Variants in TAGLN3 observed in about 807,000 individuals in gnomAD.
The protein encoded by TAGLN3 is transgelin-3.
A neutral mutation model predicts 25.4 loss-of-function variants in TAGLN3; 12 were observed. That is an observed-to-expected ratio of 0.47 (90% CI 0.30 to 0.77). The LOEUF is 0.77. Ranked by LOEUF, TAGLN3 falls within the 30% of genes least tolerant of loss-of-function variation. TAGLN3 has a pLI of 0.06. For missense variants in TAGLN3, 218 were observed against 255.8 expected (o/e 0.85, Z 1.01); for synonymous variants, 96 against 94.8 (o/e 1.01, Z -0.08).
chr3:112,009,967 A>G (rs1228068816), intron 3 of TAGLN3, among the ~76,000 whole-genome samples: 3 of 151,820 alleles, frequency 2.0e-5, no homozygotes, highest in Non-Finnish European at 4.4e-5. Flanking sequence ...AAGAAGTGTT[A>G]TATATAACAC....
At chr3:112,000,069 G>A (rs972865552) in intron 2 of TAGLN3, among the ~76,000 whole-genome samples, 3 of 152,126 alleles carry the variant, frequency 2.0e-5, no homozygotes, top group Non-Finnish European at 4.4e-5. Context: ...GAGTGGATGC[G>A]TTCTCATGAA....
chr3:112,001,870 G>C (rs145386695), intron 3 of TAGLN3, among the ~76,000 whole-genome samples: 38 of 152,334 alleles, frequency 2.5e-4, no homozygotes, highest in African/African-American at 7.7e-4. Context: ...GTATTTTAAA[G>C]GGTATTCAGA....
Position 112,013,416 on chromosome 3 carries a change from C to G in TAGLN3, c.465C>G (p.Ala155=). 2 of 1,611,884 alleles carry G rather than the reference C, an allele frequency of 1.2e-6. No homozygotes were observed. The highest frequency in any genetic ancestry group is 1.7e-6 in the Non-Finnish European group (2 of 1,178,268). Residue 155 remains alanine, a synonymous_variant, in exon 5 of 5, where the codon GCC becomes GCG. Transcript: ENST00000478951. ...RGEPSWFHRK[A]QQNRRGFSEE... ...TCTCACTTTCCTTGTCCAGGAAAGC[C>G]CAGCAGAATCGGAGAGGCTTTTCCG...
chr3:112,002,488 A>G (rs917950478), intron 3 of TAGLN3, among the ~76,000 whole-genome samples: 7 of 152,120 alleles, frequency 4.6e-5, no homozygotes, highest in Non-Finnish European at 5.9e-5. Context: ...AGTTTCCTTC[A>G]CCTACACCGT....
rs753449976 is a variant in TAGLN3 at position 112,013,541 on chromosome 3, A to G, written c.590A>G (p.Gln197Arg). 2 of 1,614,176 alleles carry G rather than the reference A, an allele frequency of 1.2e-6. No homozygotes were observed. Among genetic ancestry groups the G allele is most frequent in the Non-Finnish European group, 1.7e-6 (2 of 1,180,000 alleles). Residue 197 changes from glutamine to arginine, a missense_variant, in exon 5 of 5, where the codon CAG becomes CGG. Transcript: ENST00000478951. Reference protein sequence around the residue: ...AGMTGYGMPRQIM With the variant: ...AGMTGYGMPRRIM ...ATGACAGGGTACGGGATGCCCAGGC[A>G]GATCATGTAGGACGCGGCATCCTGC...
At chr3:111,999,163 G>C (rs1310849672) in intron 1 of TAGLN3, 49 bp downstream of exon 1, 18 of 387,548 alleles carry the variant, frequency 4.6e-5, no homozygotes, top group Middle Eastern at 7.0e-4. Context: ...GGGATAGGGA[G>C]GGGGATTCCA....
intron 3 of TAGLN3, 61 bp downstream of exon 3, chr3:112,001,007 G>A: frequency 2.0e-6 from 3 of 1,477,204 alleles, no homozygotes; most frequent in Non-Finnish European, 2.8e-6. Flanking sequence ...CCATCTCCTT[G>A]TAAAAACTGC....
intron 3 of TAGLN3, among the ~76,000 whole-genome samples, chr3:112,007,847 T>C (rs1254617251): frequency 1.3e-5 from 2 of 152,230 alleles, no homozygotes; most frequent in Admixed American, 6.5e-5. Context: ...ACTTAGTACT[T>C]ACCACATGGC....
intron 4 of TAGLN3, among the ~76,000 whole-genome samples, chr3:112,012,967 AAAGGGTAAGAAG>A (rs1487665271): frequency 1.3e-5 from 2 of 152,166 alleles, no homozygotes; most frequent in African/African-American, 4.8e-5. Flanking sequence ...GCTGTGAGAG[AAAGGGTAAGAAG>A]AAGCAGGCTT....
In TAGLN3 at chr3:112,013,786, G is replaced by A. The variant is rs908170356; in HGVS notation, c.*235G>A. On this transcript the variant is annotated 3_prime_UTR_variant, in exon 5 of 5. Coordinates refer to ENST00000478951, the MANE Select transcript of TAGLN3 (RefSeq NM_001008272.2). ...GTTTTCCTGAGCTCCTCGGGCCCCA[G>A]AGTCTCTGTTTGATTATTTATTTAT... 6.8e-6 allele frequency: 4 copies of A among 590,748 alleles called. No homozygotes were observed. Among genetic ancestry groups the A allele is most frequent in the Non-Finnish European group, 1.2e-5 (4 of 331,992 alleles). The allele number at this position is 590,748 out of a possible 1,614,324, so 36.6% of individuals were successfully genotyped here.
chr3:112,001,481 G>A (rs1239588981), intron 3 of TAGLN3, among the ~76,000 whole-genome samples: 1 of 152,144 alleles, frequency 6.6e-6, no homozygotes, highest in Non-Finnish European at 1.5e-5. Context: ...GAATTGACTT[G>A]CTGAGGAAAT....
chr3:112,005,347 G>A (rs1297008518), intron 3 of TAGLN3, among the ~76,000 whole-genome samples: 4 of 152,168 alleles, frequency 2.6e-5, no homozygotes, highest in Non-Finnish European at 5.9e-5. Context: ...ACCACTTGAT[G>A]TGCATTAAAC....
intron 3 of TAGLN3, among the ~76,000 whole-genome samples, chr3:112,005,458 GATGTC>G (rs1304098244): frequency 7.9e-5 from 12 of 152,156 alleles, no homozygotes; most frequent in Admixed American, 3.9e-4. Flanking sequence ...AACACATGGT[GATGTC>G]ATGCCTGTTC....
At chr3:112,003,427 C>T (rs1372085447) in intron 3 of TAGLN3, among the ~76,000 whole-genome samples, 1 of 152,062 alleles carries the variant, frequency 6.6e-6, no homozygotes, top group African/African-American at 2.4e-5. Context: ...AGGCTGGGGT[C>T]CTTTCTGCAA....
At position 112,013,669 on chromosome 3, in the gene TAGLN3, GT is replaced by G; in HGVS notation, c.*123del. 1 of 1,475,260 alleles carries G rather than the reference GT, an allele frequency of 6.8e-7. No homozygotes were observed. Among genetic ancestry groups the G allele is most frequent in the Non-Finnish European group, 9.3e-7 (1 of 1,077,252 alleles). The allele number at this position is 1,475,260 out of a possible 1,614,324, so 91.4% of individuals were successfully genotyped here. Reference sequence around the variant, plus strand: ...TCTTTCTCAAAGCCTTCTGTCCCTGGTTTTTGCAAGTGCTGCATTTCCGCCG... The same window carrying G: ...TCTTTCTCAAAGCCTTCTGTCCCTGGTTTTGCAAGTGCTGCATTTCCGCCG... On this transcript the variant is annotated 3_prime_UTR_variant, in exon 5 of 5. Coordinates refer to ENST00000478951, the MANE Select transcript of TAGLN3 (RefSeq NM_001008272.2).
chr3:112,006,228 G>A (rs573599401), intron 3 of TAGLN3, among the ~76,000 whole-genome samples: 2 of 152,260 alleles, frequency 1.3e-5, no homozygotes, highest in South Asian at 2.1e-4. Flanking sequence ...CAACAGCAGA[G>A]TTTCTGAGGT....
chr3:112,005,924 AT>A lies in TAGLN3; in HGVS notation c.355+4988del, dbSNP rs1314256060. On this transcript the variant is annotated intron_variant, in intron 3 of 4. Coordinates refer to ENST00000478951, the MANE Select transcript of TAGLN3 (RefSeq NM_001008272.2). ...TCACTGAGTTAGCCAGGATGGTCCA[AT>A]TTTTTTTTTATTTTTAGTAGAGAAG... Among the ~76,000 whole-genome samples the A allele has an allele frequency of 6.2e-3, 919 of 147,182 alleles. 10 individuals carry two copies. Among genetic ancestry groups the A allele is most frequent in the African/African-American group, 0.022 (873 of 40,206 alleles).
At chr3:111,999,348 C>T in intron 1 of TAGLN3, 73 bp from the exon 2 acceptor site, 12 of 1,541,694 alleles carry the variant, frequency 7.8e-6, no homozygotes, top group Non-Finnish European at 1.1e-5. Flanking sequence ...TATCCCAGCC[C>T]CGTCTGCAGG....
chr3:112,001,000 T>C (rs911982109), intron 3 of TAGLN3, 54 bp downstream of exon 3: 1 of 1,541,558 alleles, frequency 6.5e-7, no homozygotes, highest in Non-Finnish European at 8.9e-7. Flanking sequence ...CTTTGCCCCA[T>C]CTCCTTGTAA....
Sources: allele counts gnomAD v4.1 joint callset (sites outside exome capture counted in the v4.1 genomes callset), GRCh38; gene constraint gnomAD v4.1.1; transcripts MANE v1.5; gene names NCBI Gene and HGNC (gene_info 2026-07-23, HGNC 2026-07-21).